Variants in CSMD1 observed in about 807,000 individuals in gnomAD.
CSMD1 encodes the protein CUB and Sushi multiple domains 1, also known as CUB and sushi domain-containing protein 1.
Under a neutral mutation model 417.5 loss-of-function variants are expected in CSMD1, and 213 were observed. The observed-to-expected ratio is 0.51, with a 90% confidence interval of 0.46 to 0.57. The LOEUF is 0.57. CSMD1 is among the 20% of genes least tolerant of loss of function. The pLI, the probability that CSMD1 is intolerant of heterozygous loss-of-function variation, is 0.00. For missense variants in CSMD1, 6,923 were observed against 4,529.7 expected, an observed-to-expected ratio of 1.53 and a Z score of -15.17; for synonymous variants, 2,862 against 1,736.8, an observed-to-expected ratio of 1.65 and a Z score of -16.11.
chr8:3,405,168 CA>C lies in CSMD1; in HGVS notation c.2266+858del, dbSNP rs1476332869. ...TTTAAATCTATGCTAACAAGATAGA[CA>C]AAAATGATATTTTACTTTTCTTCTT... On this transcript the variant is annotated intron_variant, in intron 15 of 69. Coordinates refer to ENST00000635120, the MANE Select transcript of CSMD1 (RefSeq NM_033225.6). Among the ~76,000 whole-genome samples the C allele has an allele frequency of 5.9e-5, 9 of 152,168 alleles. No individual in the cohort carries two copies. In the East Asian group the frequency reaches 1.7e-3, roughly 29 times the overall value.
chr8:3,303,398 G>A (rs62504389), intron 25 of CSMD1, among the ~76,000 whole-genome samples: 12,642 of 152,260 alleles, frequency 0.083, 674 homozygotes, highest in Non-Finnish European at 0.12. Flanking sequence ...AGGACAGCCA[G>A]CAGAACACCA....
At chr8:4,199,180 T>G (rs533228660) in intron 3 of CSMD1, among the ~76,000 whole-genome samples, 2 of 151,930 alleles carry the variant, frequency 1.3e-5, no homozygotes, top group Non-Finnish European at 1.5e-5. Flanking sequence ...GGGATGATCC[T>G]ACTTTCAGAA....
At chr8:4,983,821 A>T (rs946576669) in intron 1 of CSMD1, among the ~76,000 whole-genome samples, 3 of 115,672 alleles carry the variant, frequency 2.6e-5, no homozygotes, top group African/African-American at 1.2e-4. Context: ...GATCAAGGAG[A>T]GATTGGGTGA....
intron 1 of CSMD1, among the ~76,000 whole-genome samples, chr8:4,661,515 C>G (rs899298174): frequency 3.3e-5 from 5 of 152,138 alleles, no homozygotes; most frequent in African/African-American, 1.2e-4. Flanking sequence ...GAATGTGACT[C>G]TACATGAGAA....
chr8:3,889,467 A>C lies in CSMD1; in HGVS notation c.818+108436T>G, dbSNP rs1806798299. Among the ~76,000 whole-genome samples, 6 of 99,968 alleles carry C rather than the reference A, an allele frequency of 6.0e-5. No homozygotes were observed. In the South Asian group the frequency reaches 2.4e-3, roughly 39 times the overall value. The allele number at this position is 99,968 out of a possible 152,430, so 65.6% of individuals were successfully genotyped here. ...CTGATCTTTCCATATATATATATAT[A>C]TATATATATATATATATATATATAT... On this transcript the variant is annotated intron_variant, in intron 5 of 69. Coordinates refer to ENST00000635120, the MANE Select transcript of CSMD1 (RefSeq NM_033225.6).
At chr8:3,105,008 T>TCAGC (rs1243310678) in intron 46 of CSMD1, among the ~76,000 whole-genome samples, 2 of 152,210 alleles carry the variant, frequency 1.3e-5, no homozygotes, top group African/African-American at 4.8e-5. Context: ...GCCCGGCCAG[T>TCAGC]TATCAGACCT....
chr8:4,806,536 G>T (rs539990248), intron 1 of CSMD1, among the ~76,000 whole-genome samples: 1 of 152,126 alleles, frequency 6.6e-6, no homozygotes, highest in East Asian at 1.9e-4. Flanking sequence ...TCCTGCCACC[G>T]TGCTACTAGC....
intron 1 of CSMD1, among the ~76,000 whole-genome samples, chr8:4,732,959 G>C (rs912085949): frequency 1.3e-5 from 2 of 152,008 alleles, no homozygotes; most frequent in Non-Finnish European, 2.9e-5. Flanking sequence ...GAGGGAACAG[G>C]TGCATTTGTA....
At chr8:3,700,400 A>G (rs1303965685) in intron 7 of CSMD1, 1 of 152,192 alleles carries the variant, frequency 6.6e-6, no homozygotes, top group Non-Finnish European at 1.5e-5. Flanking sequence ...AAATAAACAT[A>G]CACGTATATG....
intron 5 of CSMD1, among the ~76,000 whole-genome samples, chr8:3,851,824 C>A (rs556822477): frequency 6.6e-6 from 1 of 152,070 alleles, no homozygotes; most frequent in African/African-American, 2.4e-5. Flanking sequence ...GGATGAGAGA[C>A]TGAGGGCGCC....
intron 1 of CSMD1, among the ~76,000 whole-genome samples, chr8:4,975,417 G>A (rs915985800): frequency 1.3e-5 from 2 of 152,126 alleles, no homozygotes; most frequent in Non-Finnish European, 2.9e-5. Flanking sequence ...TATTGAATGT[G>A]GGCTACTTTG....
At chr8:4,065,113 C>A (rs1254794738) in intron 3 of CSMD1, among the ~76,000 whole-genome samples, 1 of 152,154 alleles carries the variant, frequency 6.6e-6, no homozygotes, top group Non-Finnish European at 1.5e-5. Flanking sequence ...ATGTCATTTT[C>A]TAGTTTATGT....
intron 3 of CSMD1, among the ~76,000 whole-genome samples, chr8:4,413,135 T>C (rs1796739794): frequency 6.6e-6 from 1 of 152,198 alleles, no homozygotes; most frequent in Non-Finnish European, 1.5e-5. Context: ...ATATAGAATA[T>C]GGACAGTCTC....
At chr8:4,697,183 A>C (rs1242293199) in intron 1 of CSMD1, among the ~76,000 whole-genome samples, 1 of 152,100 alleles carries the variant, frequency 6.6e-6, no homozygotes, top group Non-Finnish European at 1.5e-5. Flanking sequence ...AAAAAATAAT[A>C]ATAAAAATAA....
Position 4,522,141 on chromosome 8 carries a change from G to A in CSMD1, c.303-102076C>T, listed in dbSNP as rs1460835447. Reference sequence around the variant, plus strand: ...GGGGGGAGGTGATTGAACTATGGAGGCAAGTCTTTCCTGGGCTGTTCTCGT... The same window carrying A: ...GGGGGGAGGTGATTGAACTATGGAGACAAGTCTTTCCTGGGCTGTTCTCGT... On this transcript the variant is annotated intron_variant, in intron 2 of 69. Transcript: ENST00000635120. Among the ~76,000 whole-genome samples, 4 of 152,184 alleles carry A rather than the reference G, an allele frequency of 2.6e-5. No homozygotes were observed. In the East Asian group the frequency reaches 7.7e-4, roughly 29 times the overall value.
intron 1 of CSMD1, among the ~76,000 whole-genome samples, chr8:4,889,584 G>A (rs1803972390): frequency 1.3e-5 from 2 of 152,044 alleles, no homozygotes; most frequent in South Asian, 2.1e-4. Context: ...AGTGTGAAAT[G>A]TCAAAAAAAT....
At chr8:4,648,316 C>A (rs554401118) in intron 1 of CSMD1, among the ~76,000 whole-genome samples, 9 of 152,236 alleles carry the variant, frequency 5.9e-5, no homozygotes, top group Non-Finnish European at 1.0e-4. Flanking sequence ...CCTGCTTCCC[C>A]ACCTGTGAGT....
chr8:4,330,485 G>A (rs1426302159), intron 3 of CSMD1, among the ~76,000 whole-genome samples: 1 of 151,876 alleles, frequency 6.6e-6, no homozygotes, highest in Admixed American at 6.6e-5. Context: ...AGCTACTTAG[G>A]AGGCTGAGAC....
intron 26 of CSMD1, among the ~76,000 whole-genome samples, chr8:3,270,410 GA>G (rs1300729687): frequency 2.0e-5 from 3 of 151,326 alleles, no homozygotes; most frequent in Non-Finnish European, 2.9e-5. Context: ...TTAAAGCAGT[GA>G]AAAAAAATGA....
Sources: gnomAD v4.1 joint callset for allele counts (sites outside exome capture counted in the v4.1 genomes callset) on GRCh38, gnomAD v4.1.1 for gene constraint, MANE v1.5 for transcripts, NCBI Gene and HGNC (gene_info 2026-07-23, HGNC 2026-07-21) for gene names.